Variants in BLVRB observed in about 807,000 individuals in gnomAD.
BLVRB encodes the protein flavin reductase (NADPH).
Under a neutral mutation model 21.1 loss-of-function variants are expected in BLVRB, and 25 were observed. That is an observed-to-expected ratio of 1.19 (90% CI 0.86 to 1.66). The LOEUF (loss-of-function observed/expected upper bound fraction) is 1.66, where lower values mean the gene tolerates loss of function less well. Among genes scored for constraint, BLVRB ranks in the 40% most tolerant of loss-of-function variants. The pLI, the probability that BLVRB is intolerant of heterozygous loss-of-function variation, is 0.00. For synonymous variants in BLVRB, 128 were observed against 122.2 expected, an observed-to-expected ratio of 1.05 and a Z score of -0.31; for missense variants, 274 against 282.7, an observed-to-expected ratio of 0.97 and a Z score of 0.22.
Position 40,458,187 on chromosome 19 carries a change from T to C in BLVRB, c.302A>G (p.His101Arg), listed in dbSNP as rs776827642. 4 of 1,613,984 alleles carry C rather than the reference T, an allele frequency of 2.5e-6. No individual in the cohort carries two copies. Among genetic ancestry groups the C allele is most frequent in the Non-Finnish European group, 2.5e-6 (3 of 1,179,970 alleles). The change falls in exon 3 of 5, where the codon CAT becomes CGT. Residue 101 changes from histidine to arginine, a missense_variant. Transcript: ENST00000263368. ...ARNIVAAMKAHGVDKVVACTS... is the reference protein window; with the variant it reads ...ARNIVAAMKARGVDKVVACTS... ...GCAGGCCACGACCTTGTCCACACCATGAGCCTTCATGGCTGCCACAATGTT... is the reference window on the plus strand; with the variant it reads ...GCAGGCCACGACCTTGTCCACACCACGAGCCTTCATGGCTGCCACAATGTT...
rs147457356 is a variant in BLVRB at position 40,458,521 on chromosome 19, C to T, written c.104G>A (p.Arg35Gln). 38 of 1,610,466 alleles carry T rather than the reference C, an allele frequency of 2.4e-5. No individual in the cohort carries two copies. The highest frequency in any genetic ancestry group is 4.4e-5 in the South Asian group (4 of 90,416). The change falls in exon 2 of 5, where the codon CGG becomes CAG. Residue 35 changes from arginine to glutamine, a missense_variant. By Grantham distance (43) the Arg-to-Gln change is conservative (BLOSUM62 1). Transcript: ENST00000263368. ...QAGYEVTVLV[R>Q]DSSRLPSEGP... is the part of the protein sequence containing the mutation. ...CTCTGATGGCAGCCTGGAGGAGTCC[C>T]GCACCAGCACTGTCACTTCGTAACC...
chr19:40,463,779 T>C (rs994378014), intron 1 of BLVRB, among the ~76,000 whole-genome samples: 7 of 151,366 alleles, frequency 4.6e-5, no homozygotes, highest in Non-Finnish European at 8.8e-5. Context: ...TAATTTTTTT[T>C]TTTTTGAGAC....
intron 3 of BLVRB, 114 bp downstream of exon 3, chr19:40,458,041 G>T: frequency 9.7e-7 from 1 of 1,032,464 alleles, no homozygotes; most frequent in Non-Finnish European, 1.5e-6. Context: ...CACAGCTGGT[G>T]TTCAGTAAAT....
At chr19:40,449,766 TCTAA>T (rs1388367942) in intron 4 of BLVRB, among the ~76,000 whole-genome samples, 4 of 152,106 alleles carry the variant, frequency 2.6e-5, no homozygotes, top group African/African-American at 7.2e-5. Flanking sequence ...TTCAGCAAAA[TCTAA>T]CTATATATTC....
chr19:40,458,428 G>C lies in BLVRB; in HGVS notation c.197C>G (p.Ala66Gly). ...CAGCACGATGACAGCGTCCTGCCCA[G>C]CCACGGTCTTGTCCACATCGGCTGC... ...LQAADVDKTV[A>G]GQDAVIVLLG... Residue 66 changes from alanine (A) to glycine (G), a missense_variant, in exon 2 of 5, where the codon GCT (alanine) becomes GGT (glycine). By Grantham distance (60) the Ala-to-Gly change is moderately conservative. Coordinates refer to ENST00000263368, the MANE Select transcript of BLVRB (RefSeq NM_000713.3). 2 of 1,595,070 alleles carry C rather than the reference G, an allele frequency of 1.3e-6. No individual in the cohort carries two copies. The highest frequency in any genetic ancestry group is 1.7e-6 in the Non-Finnish European group (2 of 1,171,528).
chr19:40,452,974 A>T (rs1330674110), intron 3 of BLVRB, among the ~76,000 whole-genome samples: 2 of 152,060 alleles, frequency 1.3e-5, no homozygotes, highest in East Asian at 3.9e-4. Flanking sequence ...GAGGCAGGAG[A>T]ATCCCTTGAA....
At chr19:40,451,634 G>A in intron 3 of BLVRB, 142 bp from the exon 4 acceptor site, 1 of 1,190,696 alleles carries the variant, frequency 8.4e-7, no homozygotes, top group Non-Finnish European at 1.1e-6. Context: ...CCGGGTTCAA[G>A]CAATTCTCCT....
Position 40,465,715 on chromosome 19 carries a change from C to T in BLVRB, c.-27G>A. ...GTACGGGATCGTGGGGGTGCAAGGCCTCAGAGTCTCGGCACGCGCGGGAAC... is the reference window on the plus strand; with the variant it reads ...GTACGGGATCGTGGGGGTGCAAGGCTTCAGAGTCTCGGCACGCGCGGGAAC... On this transcript the variant is annotated 5_prime_UTR_variant, in exon 1 of 5. Transcript: ENST00000263368. 6.2e-7 allele frequency: 1 copy of T among 1,609,002 alleles called. No homozygotes were observed. The highest frequency in any genetic ancestry group is 8.5e-7 in the Non-Finnish European group (1 of 1,177,302).
chr19:40,460,551 A>G (rs1893054325), intron 1 of BLVRB, among the ~76,000 whole-genome samples: 2 of 151,094 alleles, frequency 1.3e-5, no homozygotes, highest in Admixed American at 1.3e-4. Context: ...GTGAGCTATG[A>G]TTGTACCACT....
intron 1 of BLVRB, among the ~76,000 whole-genome samples, chr19:40,465,138 C>T (rs2145785746): frequency 6.6e-6 from 1 of 152,294 alleles, no homozygotes; most frequent in Middle Eastern, 3.4e-3. Context: ...AATCCCAGTC[C>T]TGTCAGTTAA....
At chr19:40,453,754 G>A (rs1026462996) in intron 3 of BLVRB, among the ~76,000 whole-genome samples, 1 of 152,176 alleles carries the variant, frequency 6.6e-6, no homozygotes, top group Non-Finnish European at 1.5e-5. Flanking sequence ...CACTTTGGGA[G>A]GCTGAGGTAG....
In BLVRB at chr19:40,460,245, A is replaced by AATATATATATATAT. The variant is rs1223233988; in HGVS notation, c.80-1701_80-1700insATATATATATATAT. On this transcript the variant is annotated intron_variant, in intron 1 of 4. Coordinates refer to ENST00000263368, the MANE Select transcript of BLVRB (RefSeq NM_000713.3). ...TAACATTTGGGTATACTGTAATAGC[A>AATATATATATATAT]ACATATATATATATATATATATATA... is the stretch of plus-strand genomic sequence containing the variant. Among the ~76,000 whole-genome samples the AATATATATATATAT allele has an allele frequency of 7.0e-3, 373 of 53,496 alleles. 15 individuals carry two copies. Among genetic ancestry groups the AATATATATATATAT allele is most frequent in the South Asian group, 0.013 (23 of 1,742 alleles). The allele number at this position is 53,496 out of a possible 152,430, so 35.1% of individuals were successfully genotyped here. A position where few individuals can be genotyped will look rare whatever the true frequency, so the allele number is the denominator to read the frequency against.
intron 1 of BLVRB, among the ~76,000 whole-genome samples, chr19:40,463,678 T>G (rs898203260): frequency 6.7e-6 from 1 of 149,852 alleles, no homozygotes; most frequent in African/African-American, 2.4e-5. Context: ...TGATGCAATC[T>G]TAGCTCACTG....
At position 40,453,116 on chromosome 19, in the gene BLVRB, G is replaced by T. The variant is rs182301128; in HGVS notation, c.335-1624C>A. On this transcript the variant is annotated intron_variant, in intron 3 of 4. Transcript: ENST00000263368. ...GTAGCGATGGAGGTCTTACCAAGTT[G>T]CCCAGGCTAGTTTTGAACTCCCGGG... Among the ~76,000 whole-genome samples the T allele has an allele frequency of 2.0e-5, 3 of 152,232 alleles. No individual in the cohort carries two copies. In the East Asian group the frequency reaches 5.8e-4, roughly 29 times the overall value.
intron 1 of BLVRB, among the ~76,000 whole-genome samples, chr19:40,464,544 G>C (rs2079802372): frequency 6.6e-6 from 1 of 152,144 alleles, no homozygotes; most frequent in Admixed American, 6.5e-5. Flanking sequence ...GGAATTCGGT[G>C]GAATTAGTGG....
At chr19:40,454,012 A>G (rs773193372) in intron 3 of BLVRB, among the ~76,000 whole-genome samples, 10 of 152,106 alleles carry the variant, frequency 6.6e-5, no homozygotes, top group Non-Finnish European at 1.3e-4. Context: ...AAATAGTTTG[A>G]GTAATGTTAG....
intron 4 of BLVRB, 147 bp downstream of exon 4, chr19:40,451,217 C>G (rs2079738215): frequency 8.2e-7 from 1 of 1,219,044 alleles, no homozygotes; most frequent in Non-Finnish European, 1.1e-6. Context: ...TGCCAGGAAA[C>G]AGGGACAAAG....
At chr19:40,450,662 G>A (rs745353822) in intron 4 of BLVRB, among the ~76,000 whole-genome samples, 16 of 149,834 alleles carry the variant, frequency 1.1e-4, no homozygotes, top group African/African-American at 7.4e-5. Context: ...CCATCCTCCC[G>A]CCTCCCAGTA....
chr19:40,460,995 A>ACAAAC (rs1196687779), intron 1 of BLVRB, among the ~76,000 whole-genome samples: 1 of 148,418 alleles, frequency 6.7e-6, no homozygotes, highest in African/African-American at 2.5e-5. Flanking sequence ...ACAAAACAAA[A>ACAAAC]CAAACAACAA....
Sources: allele counts gnomAD v4.1 joint callset (sites outside exome capture counted in the v4.1 genomes callset), GRCh38; gene constraint gnomAD v4.1.1; transcripts MANE v1.5; gene names NCBI Gene and HGNC (gene_info 2026-07-23, HGNC 2026-07-21).